OPHN1: variants seen among roughly 807,000 people sequenced by gnomAD.
OPHN1 encodes the protein oligophrenin-1.
Under a neutral mutation model 60.7 loss-of-function variants are expected in OPHN1, and 11 were observed. That is an observed-to-expected ratio of 0.18 (90% CI 0.11 to 0.30). The LOEUF is 0.30. OPHN1 is among the 10% of genes least tolerant of loss of function. The probability of loss-of-function intolerance (pLI) is 1.00; values close to 1 mark genes in which losing one functional copy is unlikely to be tolerated. For missense variants in OPHN1, 449 were observed against 611.0 expected, an observed-to-expected ratio of 0.73 and a Z score of 2.80; for synonymous variants, 226 against 222.6, an observed-to-expected ratio of 1.02 and a Z score of -0.14.
intron 2 of OPHN1, among the ~76,000 whole-genome samples, chrX:68,320,725 G>A (rs770551814): frequency 1.6e-3 from 176 of 110,839 alleles, no homozygotes; most frequent in African/African-American, 5.3e-3. Context: ...AGATCCCACA[G>A]GCTGGGGGCT....
Position 68,064,109 on chromosome X carries a change from G to C in OPHN1, c.1903C>G (p.His635Asp), listed in dbSNP as rs794727340. ...CTCCTCTGAATAGGTAGTTTGGGGT[G>C]TTGTGGTGGCTTGGGGGGTTCTATG... ...SSIEPPKPPQ[H>D]PKLPIQRSGE... The change falls in exon 21 of 25, where the codon CAC becomes GAC. Residue 635 changes from histidine to aspartate, a missense_variant. Coordinates refer to ENST00000355520, the MANE Select transcript of OPHN1 (RefSeq NM_002547.3). 1 of 1,210,548 alleles carries C rather than the reference G, an allele frequency of 8.3e-7. No homozygotes were observed. Among genetic ancestry groups the C allele is most frequent in the East Asian group, 3.0e-5 (1 of 33,813 alleles).
intron 20 of OPHN1, 60 bp from the exon 21 acceptor site, chrX:68,064,237 T>C: frequency 9.3e-7 from 1 of 1,078,316 alleles, no homozygotes; most frequent in Non-Finnish European, 1.3e-6. Context: ...CTTTTCATTT[T>C]GATACATGCA....
At chrX:68,214,771 T>C (rs1337002846) in intron 6 of OPHN1, among the ~76,000 whole-genome samples, 2 of 111,463 alleles carry the variant, frequency 1.8e-5, no homozygotes, top group Non-Finnish European at 3.8e-5. Flanking sequence ...CCGAGGTGGG[T>C]AGATCACCTG....
At chrX:68,301,559 A>C (rs757672344) in intron 2 of OPHN1, among the ~76,000 whole-genome samples, 10 of 111,350 alleles carry the variant, frequency 9.0e-5, no homozygotes, top group Non-Finnish European at 1.9e-4. Flanking sequence ...GAAAAGACTC[A>C]TATATTTTAG....
At chrX:68,387,518 A>G in intron 2 of OPHN1, among the ~76,000 whole-genome samples, 1 of 111,733 alleles carries the variant, frequency 8.9e-6, no homozygotes, top group Non-Finnish European at 1.9e-5. Flanking sequence ...GTAAGAAAAT[A>G]CTGTATCTGT....
At chrX:68,296,104 A>T (rs182649882) in intron 3 of OPHN1, among the ~76,000 whole-genome samples, 3 of 111,435 alleles carry the variant, frequency 2.7e-5, no homozygotes, top group African/African-American at 9.8e-5. Flanking sequence ...AAGCCTCCAG[A>T]GAGCCTCAGC....
chrX:68,142,636 T>C (rs1035187916), intron 15 of OPHN1, among the ~76,000 whole-genome samples: 2 of 112,332 alleles, frequency 1.8e-5, no homozygotes, highest in African/African-American at 6.5e-5. Context: ...TATTCTCTGC[T>C]TTTGTTTGAC....
At chrX:68,400,944 C>T (rs2078711301) in intron 2 of OPHN1, among the ~76,000 whole-genome samples, 1 of 111,270 alleles carries the variant, frequency 9.0e-6, no homozygotes, top group Non-Finnish European at 1.9e-5. Flanking sequence ...TCAGGCACAT[C>T]CTACATGGCC....
intron 6 of OPHN1, among the ~76,000 whole-genome samples, chrX:68,214,879 C>A (rs1420376840): frequency 9.0e-6 from 1 of 111,037 alleles, no homozygotes; most frequent in Non-Finnish European, 1.9e-5. Context: ...CTCCTGTAGT[C>A]CCAGCTACTC....
intron 10 of OPHN1, among the ~76,000 whole-genome samples, chrX:68,203,881 C>T (rs2077546526): frequency 8.9e-6 from 1 of 112,850 alleles, no homozygotes; most frequent in Non-Finnish European, 1.9e-5. Flanking sequence ...AATCCTTCTT[C>T]AAACCAACAC....
intron 15 of OPHN1, among the ~76,000 whole-genome samples, chrX:68,171,939 T>C (rs767766398): frequency 4.8e-4 from 53 of 111,276 alleles, no homozygotes; most frequent in African/African-American, 1.6e-3. Flanking sequence ...CGTAAATAGC[T>C]ATAATAAATA....
chrX:68,415,847 T>C (rs2078791279), intron 2 of OPHN1, among the ~76,000 whole-genome samples: 1 of 108,177 alleles, frequency 9.2e-6, no homozygotes, highest in Admixed American at 1.0e-4. Context: ...AAACCCCATC[T>C]CTACTAAAAA....
rs193192208 is a variant in OPHN1, at chrX:68,374,084, A to G, written c.154+58783T>C. 7.1e-3 allele frequency among the ~76,000 whole-genome samples: 793 copies of G among 111,656 alleles called. 8 individuals are homozygous for G. The highest frequency in any genetic ancestry group is 0.011 in the Non-Finnish European group (572 of 53,136). ...GGCATCCATAAGCACAATCCAGGGC[A>G]CGGTGGCTCATGCCTGTAATCCTAG... On this transcript the variant is annotated intron_variant, in intron 2 of 24. Transcript: ENST00000355520.
chrX:68,300,864 C>A (rs774448612), intron 2 of OPHN1, among the ~76,000 whole-genome samples: 1 of 112,307 alleles, frequency 8.9e-6, no homozygotes, highest in African/African-American at 3.2e-5. Context: ...TTTCAGAAAC[C>A]ACAAATACTA....
At chrX:68,343,209 G>A (rs1441872064) in intron 2 of OPHN1, among the ~76,000 whole-genome samples, 1 of 105,863 alleles carries the variant, frequency 9.4e-6, no homozygotes, top group Non-Finnish European at 1.9e-5. Context: ...AGGAGGTGGA[G>A]GTTACAGTGA....
chrX:68,083,054 C>CTTTT (rs869083899), intron 19 of OPHN1, among the ~76,000 whole-genome samples: 3,265 of 37,437 alleles, frequency 0.087, 1,110 homozygotes, highest in East Asian at 0.17. Context: ...CTGCTAGTTT[C>CTTTT]TTTTTTTTTT....
chrX:68,065,237 A>AT (rs774088903), intron 20 of OPHN1, among the ~76,000 whole-genome samples: 36 of 110,395 alleles, frequency 3.3e-4, no homozygotes, highest in East Asian at 8.6e-4. Context: ...TTAGATCTTG[A>AT]TATTTTTTTT....
At chrX:68,133,204 C>T in intron 15 of OPHN1, 1 of 777,932 alleles carries the variant, frequency 1.3e-6, no homozygotes, top group Non-Finnish European at 2.0e-6. Context: ...CCTCAGCACT[C>T]ATAGCACCTA....
chrX:68,140,630 TA>T (rs1002563289), intron 15 of OPHN1, among the ~76,000 whole-genome samples: 4 of 109,609 alleles, frequency 3.6e-5, no homozygotes, highest in African/African-American at 1.3e-4. Context: ...GGCTCCCGGC[TA>T]AACCTCACCC....
Sources: allele counts gnomAD v4.1 joint callset (sites outside exome capture counted in the v4.1 genomes callset), GRCh38; gene constraint gnomAD v4.1.1; transcripts MANE v1.5; gene names NCBI Gene and HGNC (gene_info 2026-07-23, HGNC 2026-07-21).